The following ASTN2 variants were observed in gnomAD, a reference collection of about 807,000 sequenced individuals.
The protein encoded by ASTN2 is astrotactin-2.
A neutral mutation model predicts 139.8 loss-of-function variants in ASTN2; 54 were observed. The observed-to-expected ratio is 0.39, with a 90% CI of 0.31 to 0.48. The LOEUF is 0.48. ASTN2 is among the 20% of genes least tolerant of loss of function. The probability of loss-of-function intolerance (pLI) is 0.95; values close to 1 mark genes in which losing one functional copy is unlikely to be tolerated. For missense variants in ASTN2, 1,565 were observed against 1,725.1 expected (o/e 0.91, Z 1.64); for synonymous variants, 756 against 719.5 (o/e 1.05, Z -0.81).
At chr9:117,281,939 A>G (rs1406799630) in intron 2 of ASTN2, among the ~76,000 whole-genome samples, 1 of 150,966 alleles carries the variant, frequency 6.6e-6, no homozygotes. Flanking sequence ...CACTCCATCT[A>G]CCTCGCTACC....
intron 19 of ASTN2, among the ~76,000 whole-genome samples, chr9:116,609,328 C>CTCTCTCTCTATA (rs140484650): frequency 4.1e-5 from 5 of 122,530 alleles, no homozygotes; most frequent in African/African-American, 1.3e-4. Context: ...CTCTCTCTCT[C>CTCTCTCTCTATA]TATATATATA....
At chr9:116,704,785 A>G (rs1827947500) in intron 16 of ASTN2, among the ~76,000 whole-genome samples, 1 of 151,492 alleles carries the variant, frequency 6.6e-6, no homozygotes, top group African/African-American at 2.4e-5. Flanking sequence ...AAAGCTGTAA[A>G]TAAATCCTAA....
intron 1 of ASTN2, among the ~76,000 whole-genome samples, chr9:117,378,340 AT>A: frequency 6.6e-6 from 1 of 152,268 alleles, no homozygotes; most frequent in African/African-American, 2.4e-5. Context: ...ATGGAGGCAG[AT>A]TTCCACTGGA....
chr9:116,437,126 GC>G (rs1847679794), intron 22 of ASTN2: 1 of 338,526 alleles, frequency 3.0e-6, no homozygotes, highest in Non-Finnish European at 5.8e-6. Context: ...GTTAGTGGGT[GC>G]AGCGCACCAG....
chr9:117,342,595 G>T (rs900095963), intron 1 of ASTN2, among the ~76,000 whole-genome samples: 19 of 152,122 alleles, frequency 1.2e-4, no homozygotes, highest in African/African-American at 4.1e-4. Flanking sequence ...TTGGTCATTT[G>T]TTTCCTCTGG....
Position 116,519,052 on chromosome 9 carries a change from C to T in ASTN2, c.3356-31552G>A, listed in dbSNP as rs571909787. ...AATGAGATAGACAGCAACACAATAA[C>T]AGTGGGGGACTTTAATACTCCACTG... On this transcript the variant is annotated intron_variant, in intron 19 of 22. Transcript: ENST00000313400. Among the ~76,000 whole-genome samples the T allele has an allele frequency of 4.6e-5, 7 of 152,076 alleles. 1 individual carries two copies. The South Asian group carries it at 1.5e-3, about 32-fold the overall frequency.
At chr9:116,471,854 G>A (rs1848823925) in intron 20 of ASTN2, among the ~76,000 whole-genome samples, 1 of 152,180 alleles carries the variant, frequency 6.6e-6, no homozygotes, top group African/African-American at 2.4e-5. Flanking sequence ...AGAACTGAGG[G>A]AGTCAGAATT....
In ASTN2 at chr9:116,714,984, G is replaced by C; in HGVS notation, c.2806+10787C>G. On this transcript the variant is annotated intron_variant, in intron 16 of 22. Coordinates refer to ENST00000313400, the MANE Select transcript of ASTN2 (RefSeq NM_001365068.1). ...AGTCCCAGCTACTTGGGAGGCTGAGGCAGGAGAATGGCGTGAACCCGGGAG... is the reference window on the plus strand; with the variant it reads ...AGTCCCAGCTACTTGGGAGGCTGAGCCAGGAGAATGGCGTGAACCCGGGAG... Among the ~76,000 whole-genome samples, 2 of 27,856 alleles carry C rather than the reference G, an allele frequency of 7.2e-5. 1 individual carries two copies. The highest frequency in any genetic ancestry group is 1.2e-4 in the Non-Finnish European group (2 of 16,060). 18.3% of individuals were successfully genotyped at this position (27,856 alleles called of 152,430 possible). A position where few individuals can be genotyped will look rare whatever the true frequency, so the allele number is the denominator to read the frequency against.
At chr9:116,925,155 A>G (rs1013464568) in intron 10 of ASTN2, among the ~76,000 whole-genome samples, 2 of 152,300 alleles carry the variant, frequency 1.3e-5, no homozygotes, top group East Asian at 1.9e-4. Flanking sequence ...CCTGTCTTAC[A>G]GTTAACAAAA....
At chr9:117,240,772 A>T (rs1475217737) in intron 2 of ASTN2, among the ~76,000 whole-genome samples, 1 of 152,136 alleles carries the variant, frequency 6.6e-6, no homozygotes, top group Admixed American at 6.5e-5. Flanking sequence ...TTGTAGATGG[A>T]GTCTAAAGCC....
At chr9:116,459,135 C>A (rs754711337) in intron 20 of ASTN2, among the ~76,000 whole-genome samples, 44 of 151,764 alleles carry the variant, frequency 2.9e-4, no homozygotes, top group Admixed American at 2.0e-4. Flanking sequence ...AAGGAGGGTG[C>A]CAAGAAAATA....
At chr9:116,960,957 A>G (rs891445633) in intron 10 of ASTN2, among the ~76,000 whole-genome samples, 1 of 152,052 alleles carries the variant, frequency 6.6e-6, no homozygotes, top group Non-Finnish European at 1.5e-5. Flanking sequence ...GCCCCATTTC[A>G]ATACAGTTAA....
intron 16 of ASTN2, among the ~76,000 whole-genome samples, chr9:116,681,718 C>T (rs951579853): frequency 3.3e-5 from 5 of 152,162 alleles, no homozygotes; most frequent in African/African-American, 1.2e-4. Flanking sequence ...AGAAATAACA[C>T]CGCATATCTA....
At chr9:117,391,022 T>G (rs1012400418) in intron 1 of ASTN2, among the ~76,000 whole-genome samples, 2 of 152,278 alleles carry the variant, frequency 1.3e-5, no homozygotes, top group African/African-American at 4.8e-5. Flanking sequence ...TCCATAGGCT[T>G]TGCATCCATA....
chr9:116,762,131 C>T (rs1829688192), intron 13 of ASTN2, among the ~76,000 whole-genome samples: 1 of 152,144 alleles, frequency 6.6e-6, no homozygotes, highest in African/African-American at 2.4e-5. Context: ...GTCTGAGGCA[C>T]TGTTGAAATA....
At chr9:117,283,161 T>C (rs1450377721) in intron 2 of ASTN2, among the ~76,000 whole-genome samples, 1 of 152,230 alleles carries the variant, frequency 6.6e-6, no homozygotes, top group African/African-American at 2.4e-5. Context: ...CCAGGCCTCC[T>C]GAAGCCAAAT....
In ASTN2 at chr9:117,205,251, TATTACAGCTGG is replaced by T. The variant is rs201401332; in HGVS notation, c.1015+9096_1015+9106del. On this transcript the variant is annotated intron_variant, in intron 3 of 22. Coordinates refer to ENST00000313400, the MANE Select transcript of ASTN2 (RefSeq NM_001365068.1). Reference sequence around the variant, plus strand: ...AGCTTGAAGGAAAGCTGGAGATAAATATTACAGCTGGATTTGAGAGAATCTCAGAAGTCCAG... The same window carrying T: ...AGCTTGAAGGAAAGCTGGAGATAAATATTTGAGAGAATCTCAGAAGTCCAG... Among the ~76,000 whole-genome samples, 5 of 132,680 alleles carry T rather than the reference TATTACAGCTGG, an allele frequency of 3.8e-5. No homozygotes were observed. In the East Asian group the frequency reaches 1.2e-3, roughly 31 times the overall value. The allele number at this position is 132,680 out of a possible 152,430, so 87.0% of individuals were successfully genotyped here. A position where few individuals can be genotyped will look rare whatever the true frequency, so the allele number is the denominator to read the frequency against.
At chr9:116,686,452 T>A (rs1318840662) in intron 16 of ASTN2, among the ~76,000 whole-genome samples, 1 of 152,184 alleles carries the variant, frequency 6.6e-6, no homozygotes, top group African/African-American at 2.4e-5. Context: ...TCCAAGTCCA[T>A]CCTACTTCAA....
intron 19 of ASTN2, among the ~76,000 whole-genome samples, chr9:116,553,731 C>A (rs1034015257): frequency 2.2e-4 from 33 of 152,168 alleles, no homozygotes; most frequent in Admixed American, 9.8e-4. Flanking sequence ...CCTAGCACAC[C>A]TAGCCACATT....
Sources: allele counts gnomAD v4.1 joint callset (sites outside exome capture counted in the v4.1 genomes callset), GRCh38; gene constraint gnomAD v4.1.1; transcripts MANE v1.5; gene names NCBI Gene and HGNC (gene_info 2026-07-23, HGNC 2026-07-21).